HDAC9: variants seen among roughly 807,000 people sequenced by gnomAD.
HDAC9 encodes the protein MEF-2 interacting transcription repressor (MITR) protein.
In HDAC9, 41 loss-of-function variants were observed where a neutral mutation model predicts 139.4. The observed-to-expected ratio is 0.29, with a 90% CI of 0.23 to 0.38. The LOEUF (loss-of-function observed/expected upper bound fraction) is 0.38. Among genes scored for constraint, HDAC9 ranks in the 10% least tolerant of loss-of-function variants. The pLI, the probability that HDAC9 is intolerant of heterozygous loss-of-function variation, is 1.00. For synonymous variants in HDAC9, 517 were observed against 476.2 expected (o/e 1.09, Z -1.12); for missense variants, 1,147 against 1,297.0 (o/e 0.88, Z 1.78).
chr7:18,608,347 A>G (rs371564230), intron 6 of HDAC9, among the ~76,000 whole-genome samples: 3 of 152,148 alleles, frequency 2.0e-5, no homozygotes, highest in South Asian at 4.1e-4. Context: ...GCACATAATA[A>G]CAGTTTGACG....
intron 2 of HDAC9, among the ~76,000 whole-genome samples, chr7:18,236,376 A>C (rs1396772889): frequency 1.3e-5 from 2 of 152,184 alleles, no homozygotes; most frequent in African/African-American, 4.8e-5. Context: ...AGTTTGTGGG[A>C]TCTTAAAGAA....
intron 1 of HDAC9, among the ~76,000 whole-genome samples, chr7:18,468,053 C>T (rs1386698882): frequency 6.6e-6 from 1 of 152,154 alleles, no homozygotes; most frequent in Non-Finnish European, 1.5e-5. Flanking sequence ...ACCTTTCCCT[C>T]AAATGATGCA....
At chr7:18,881,360 C>T (rs1266862284) in intron 22 of HDAC9, among the ~76,000 whole-genome samples, 1 of 151,984 alleles carries the variant, frequency 6.6e-6, no homozygotes, top group Non-Finnish European at 1.5e-5. Context: ...TTCTAAGGTC[C>T]TCTCTTCTCA....
intron 1 of HDAC9, among the ~76,000 whole-genome samples, chr7:18,095,882 T>G (rs1423730647): frequency 6.6e-6 from 1 of 152,228 alleles, no homozygotes; most frequent in Non-Finnish European, 1.5e-5. Flanking sequence ...TCTGTTTTTC[T>G]TTAATCTATT....
intron 1 of HDAC9, among the ~76,000 whole-genome samples, chr7:18,325,008 C>A (rs984120398): frequency 6.6e-6 from 1 of 152,014 alleles, no homozygotes; most frequent in Non-Finnish European, 1.5e-5. Context: ...TTGCTGTAAA[C>A]CATAGAGCTT....
At chr7:18,599,974 GT>G (rs35922999) in intron 6 of HDAC9, among the ~76,000 whole-genome samples, 11 of 148,888 alleles carry the variant, frequency 7.4e-5, no homozygotes, top group Admixed American at 6.0e-4. Context: ...TGTATTTTAA[GT>G]TTTTTTTTTT....
chr7:18,947,366 C>T (rs1463602786), intron 23 of HDAC9, among the ~76,000 whole-genome samples: 1 of 151,504 alleles, frequency 6.6e-6, no homozygotes. Context: ...TAAGACTGAC[C>T]AACAAAGAAA....
intron 17 of HDAC9, among the ~76,000 whole-genome samples, chr7:18,809,344 A>G (rs1427282598): frequency 6.6e-6 from 1 of 152,208 alleles, no homozygotes; most frequent in East Asian, 1.9e-4. Flanking sequence ...AAGGGATTAT[A>G]TTAAACTAAA....
intron 1 of HDAC9, among the ~76,000 whole-genome samples, chr7:18,474,250 G>A (rs1369488756): frequency 6.6e-6 from 1 of 152,202 alleles, no homozygotes; most frequent in African/African-American, 2.4e-5. Context: ...GGTATATGGA[G>A]TTCTTAGTAC....
chr7:18,770,669 C>A (rs1252858355), intron 16 of HDAC9, among the ~76,000 whole-genome samples: 1 of 152,154 alleles, frequency 6.6e-6, no homozygotes, highest in African/African-American at 2.4e-5. Flanking sequence ...ACCCATAATT[C>A]CCCTGATACA....
At chr7:18,821,825 C>T (rs1794996925) in intron 17 of HDAC9, among the ~76,000 whole-genome samples, 1 of 152,202 alleles carries the variant, frequency 6.6e-6, no homozygotes, top group Admixed American at 6.5e-5. Flanking sequence ...GGCTATAAAT[C>T]AGATGTTATT....
chr7:18,735,634 G>T (rs1054768863), intron 13 of HDAC9, among the ~76,000 whole-genome samples: 1 of 152,144 alleles, frequency 6.6e-6, no homozygotes, highest in Non-Finnish European at 1.5e-5. Context: ...TTTTGTTACT[G>T]TTGCCTTATA....
intron 2 of HDAC9, among the ~76,000 whole-genome samples, chr7:18,197,470 G>A (rs1790807913): frequency 6.6e-6 from 1 of 152,198 alleles, no homozygotes; most frequent in South Asian, 2.1e-4. Flanking sequence ...CAGCTGTAGT[G>A]AGGTAGGTAG....
intron 22 of HDAC9, among the ~76,000 whole-genome samples, chr7:18,915,716 G>A (rs987686061): frequency 2.7e-4 from 41 of 150,766 alleles, no homozygotes; most frequent in Middle Eastern, 3.5e-3. Flanking sequence ...CTTCAGAGCT[G>A]ATGTCTGACA....
chr7:18,800,032 A>T (rs1407268036), intron 17 of HDAC9, among the ~76,000 whole-genome samples: 2 of 152,150 alleles, frequency 1.3e-5, no homozygotes, highest in Non-Finnish European at 2.9e-5. Context: ...GCAACTCATC[A>T]CCTCCAAAAA....
At chr7:18,266,986 A>T (rs555225092) in intron 2 of HDAC9, among the ~76,000 whole-genome samples, 1 of 152,052 alleles carries the variant, frequency 6.6e-6, no homozygotes, top group Admixed American at 6.6e-5. Context: ...CAAAAATCAC[A>T]TATTTAGGTT....
chr7:18,281,104 C>T (rs1562830559), intron 2 of HDAC9, among the ~76,000 whole-genome samples: 1 of 152,094 alleles, frequency 6.6e-6, no homozygotes, highest in Non-Finnish European at 1.5e-5. Flanking sequence ...TAAGATGACA[C>T]AAGGTGGAAC....
At chr7:18,694,969 C>A (rs1466342189) in intron 12 of HDAC9, among the ~76,000 whole-genome samples, 1 of 152,072 alleles carries the variant, frequency 6.6e-6, no homozygotes, top group East Asian at 1.9e-4. Flanking sequence ...TATTTTGTTT[C>A]ATTAAAACCC....
At chr7:18,752,832 C>T (rs956707699) in intron 14 of HDAC9, among the ~76,000 whole-genome samples, 1 of 152,114 alleles carries the variant, frequency 6.6e-6, no homozygotes, top group Non-Finnish European at 1.5e-5. Context: ...GTCTGTGTAG[C>T]CACTTCTGGT....
Sources: gnomAD v4.1 joint callset for allele counts (sites outside exome capture counted in the v4.1 genomes callset) on GRCh38, gnomAD v4.1.1 for gene constraint, MANE v1.5 for transcripts, NCBI Gene and HGNC (gene_info 2026-07-23, HGNC 2026-07-21) for gene names.